OPCML: variants seen among roughly 807,000 people sequenced by gnomAD.
The protein encoded by OPCML is opioid-binding protein/cell adhesion molecule.
In OPCML, 13 loss-of-function variants were observed where a neutral mutation model predicts 37.8. The ratio of observed to expected loss-of-function variants is 0.34; its 90% CI spans 0.22 to 0.55. The LOEUF (loss-of-function observed/expected upper bound fraction) is 0.55, where lower values mean the gene tolerates loss of function less well. Ranked by LOEUF, OPCML falls within the 20% of genes least tolerant of loss-of-function variation. The pLI is 0.91. For missense variants in OPCML, 341 were observed against 435.6 expected (o/e 0.78, Z 1.93); for synonymous variants, 176 against 168.8 (o/e 1.04, Z -0.33).
chr11:132,752,979 G>T (rs772319633), intron 2 of OPCML, among the ~76,000 whole-genome samples: 2 of 152,092 alleles, frequency 1.3e-5, no homozygotes, highest in South Asian at 2.1e-4. Context: ...TGCCTTACTG[G>T]CTCTTTACAT....
chr11:133,120,234 A>T (rs1308117515), intron 1 of OPCML, among the ~76,000 whole-genome samples: 1 of 152,214 alleles, frequency 6.6e-6, no homozygotes, highest in Non-Finnish European at 1.5e-5. Context: ...ATACAAACAC[A>T]CATACACACA....
intron 2 of OPCML, among the ~76,000 whole-genome samples, chr11:132,878,667 A>G (rs528443497): frequency 6.6e-6 from 1 of 152,316 alleles, no homozygotes; most frequent in South Asian, 2.1e-4. Flanking sequence ...GTAGAGATAC[A>G]TATATAAACA....
chr11:132,618,225 T>G (rs1939158989), intron 3 of OPCML, among the ~76,000 whole-genome samples: 1 of 152,194 alleles, frequency 6.6e-6, no homozygotes, highest in African/African-American at 2.4e-5. Context: ...GGCTGGTTTT[T>G]TAGTTTGGAG....
chr11:133,504,074 T>C (rs1259308410), intron 1 of OPCML, among the ~76,000 whole-genome samples: 4 of 152,102 alleles, frequency 2.6e-5, no homozygotes, highest in African/African-American at 9.7e-5. Flanking sequence ...AAATCAGCAC[T>C]CTGCGGAGAC....
At chr11:133,403,126 C>G (rs1156974060) in intron 1 of OPCML, among the ~76,000 whole-genome samples, 1 of 152,172 alleles carries the variant, frequency 6.6e-6, no homozygotes, top group East Asian at 1.9e-4. Context: ...TACTTAAGTA[C>G]AAATCTGGGT....
chr11:133,408,982 C>T (rs952226927), intron 1 of OPCML, among the ~76,000 whole-genome samples: 1 of 152,210 alleles, frequency 6.6e-6, no homozygotes, highest in African/African-American at 2.4e-5. Context: ...CCTTGGTTTT[C>T]ACTAAACTTA....
chr11:132,501,091 A>G (rs2096244543), intron 4 of OPCML, among the ~76,000 whole-genome samples: 1 of 143,048 alleles, frequency 7.0e-6, no homozygotes, highest in Non-Finnish European at 1.5e-5. Context: ...TGCTGGGCCA[A>G]ATGGTATTTC....
chr11:132,456,574 C>T (rs959000857), intron 4 of OPCML, among the ~76,000 whole-genome samples: 37 of 152,156 alleles, frequency 2.4e-4, no homozygotes, highest in African/African-American at 7.7e-4. Flanking sequence ...GCCCATAATC[C>T]ACAAATGATA....
chr11:132,720,109 A>G (rs1421771320), intron 2 of OPCML, among the ~76,000 whole-genome samples: 1 of 152,222 alleles, frequency 6.6e-6, no homozygotes, highest in Non-Finnish European at 1.5e-5. Context: ...AAATAAATGA[A>G]TGAGCCCTTT....
At chr11:132,888,507 C>T (rs558122869) in intron 2 of OPCML, among the ~76,000 whole-genome samples, 1 of 152,176 alleles carries the variant, frequency 6.6e-6, no homozygotes, top group Non-Finnish European at 1.5e-5. Context: ...TCCCCCCACG[C>T]ATCTGCTGTC....
intron 1 of OPCML, among the ~76,000 whole-genome samples, chr11:132,983,944 G>A (rs1946638950): frequency 6.6e-6 from 1 of 152,186 alleles, no homozygotes; most frequent in Non-Finnish European, 1.5e-5. Flanking sequence ...CACTTTGTCA[G>A]GTTCTAATCC....
intron 1 of OPCML, among the ~76,000 whole-genome samples, chr11:133,128,592 A>G (rs1949555859): frequency 6.6e-6 from 1 of 152,180 alleles, no homozygotes; most frequent in African/African-American, 2.4e-5. Context: ...GAGGTATCTC[A>G]GAAGAAGCGT....
intron 1 of OPCML, among the ~76,000 whole-genome samples, chr11:132,957,794 GCTATGCT>G (rs1565366609): frequency 6.6e-6 from 1 of 152,162 alleles, no homozygotes; most frequent in Non-Finnish European, 1.5e-5. Context: ...GGCAGCACGA[GCTATGCT>G]CATGTAAGAC....
intron 1 of OPCML, among the ~76,000 whole-genome samples, chr11:133,179,391 G>A (rs1466673332): frequency 1.3e-5 from 2 of 152,032 alleles, no homozygotes; most frequent in African/African-American, 4.8e-5. Context: ...CTGTGGGGTG[G>A]GACAAAGTGT....
chr11:132,570,804 T>TATATATATAGAGAGAGAGAGAGAGAG (rs2096436416), intron 3 of OPCML, among the ~76,000 whole-genome samples: 1 of 90,762 alleles, frequency 1.1e-5, no homozygotes, highest in Non-Finnish European at 2.2e-5. Context: ...TATATATATT[T>TATATATATAGAGAGAGAGAGAGAGAG]AGAGAGAGAG....
intron 4 of OPCML, among the ~76,000 whole-genome samples, chr11:132,486,391 C>A (rs748068481): frequency 3.3e-5 from 5 of 152,208 alleles, no homozygotes; most frequent in Admixed American, 1.3e-4. Context: ...AGGGACCTGA[C>A]AAATGCAATT....
chr11:133,151,739 A>G (rs1411092523), intron 1 of OPCML, among the ~76,000 whole-genome samples: 1 of 152,094 alleles, frequency 6.6e-6, no homozygotes, highest in Non-Finnish European at 1.5e-5. Flanking sequence ...GTGTTCTATC[A>G]CGGGATCAGT....
At chr11:133,125,509 T>G (rs540066077) in intron 1 of OPCML, among the ~76,000 whole-genome samples, 7 of 151,286 alleles carry the variant, frequency 4.6e-5, no homozygotes, top group African/African-American at 1.7e-4. Context: ...AATGGTTGTA[T>G]GTGAACTGTG....
At chr11:132,492,799 A>G (rs1047080754) in intron 4 of OPCML, among the ~76,000 whole-genome samples, 7 of 152,170 alleles carry the variant, frequency 4.6e-5, no homozygotes, top group Non-Finnish European at 1.0e-4. Context: ...GTGTTGTCCT[A>G]TGTGTAATTT....
Sources: gnomAD v4.1 joint callset for allele counts (sites outside exome capture counted in the v4.1 genomes callset) on GRCh38, gnomAD v4.1.1 for gene constraint, MANE v1.5 for transcripts, NCBI Gene and HGNC (gene_info 2026-07-23, HGNC 2026-07-21) for gene names.